Variants in PPARGC1A observed in about 807,000 individuals in gnomAD.
PPARGC1A encodes PPARG coactivator 1 alpha, also known as peroxisome proliferator-activated receptor gamma coactivator 1-alpha.
PPARGC1A carries 25 observed loss-of-function variants against 88.7 expected under a neutral mutation model. The observed-to-expected ratio is 0.28, with a 90% CI of 0.21 to 0.39. The LOEUF is 0.39. Ranked by LOEUF, PPARGC1A falls within the 10% of genes least tolerant of loss-of-function variation. The pLI is 1.00. For synonymous variants in PPARGC1A, 363 were observed against 355.6 expected (o/e 1.02, Z -0.24); for missense variants, 880 against 968.7 (o/e 0.91, Z 1.22).
chr4:24,424,284 T>TTTTTG, the PPARGC1A span, among the ~76,000 whole-genome samples: 1 of 123,342 alleles, frequency 8.1e-6, no homozygotes, highest in African/African-American at 3.0e-5. Flanking sequence ...TTTTTTTTTT[T>TTTTTG]TTTTTTTTTG....
chr4:24,163,760 C>T, the PPARGC1A span, among the ~76,000 whole-genome samples: 1 of 152,182 alleles, frequency 6.6e-6, no homozygotes, highest in African/African-American at 2.4e-5. Context: ...AAGCTAAATA[C>T]ATGCTTTAGC....
intron 8 of PPARGC1A, 71 bp downstream of exon 8, chr4:23,813,619 A>G (rs1464574395): frequency 2.2e-6 from 3 of 1,356,684 alleles, no homozygotes; most frequent in Non-Finnish European, 3.0e-6. Context: ...TCAAATTTTT[A>G]TTTGTATTTT....
chr4:24,258,643 T>C, the PPARGC1A span, among the ~76,000 whole-genome samples: 1 of 152,174 alleles, frequency 6.6e-6, no homozygotes, highest in Non-Finnish European at 1.5e-5. Context: ...AATGCAACCA[T>C]CCAACTAAAA....
the PPARGC1A span, among the ~76,000 whole-genome samples, chr4:24,203,738 G>A: frequency 6.6e-6 from 1 of 152,238 alleles, no homozygotes; most frequent in African/African-American, 2.4e-5. Context: ...TGCATAATGT[G>A]AGGATCAAGG....
the PPARGC1A span, among the ~76,000 whole-genome samples, chr4:23,934,783 T>C: frequency 6.6e-6 from 1 of 152,202 alleles, no homozygotes; most frequent in East Asian, 1.9e-4. Context: ...GAGGCTCATC[T>C]AGGTTTTAAG....
the PPARGC1A span, among the ~76,000 whole-genome samples, chr4:23,998,656 C>A: frequency 6.6e-6 from 1 of 152,180 alleles, no homozygotes; most frequent in African/African-American, 2.4e-5. Context: ...AGTTAGAGTA[C>A]ATGGGCCAGA....
At chr4:23,802,113 A>T in intron 11 of PPARGC1A, 111 bp downstream of exon 11, 1 of 1,457,070 alleles carries the variant, frequency 6.9e-7, no homozygotes, top group Non-Finnish European at 9.5e-7. Context: ...TGAACTCAAC[A>T]TGTCATCTGT....
At chr4:24,079,337 T>A in the PPARGC1A span, among the ~76,000 whole-genome samples, 1 of 152,036 alleles carries the variant, frequency 6.6e-6, no homozygotes, top group African/African-American at 2.4e-5. Context: ...CATGTCCCCA[T>A]TATTGTTTTA....
chr4:23,880,907 G>A (rs896062271), intron 2 of PPARGC1A: 2 of 152,088 alleles, frequency 1.3e-5, no homozygotes, highest in Admixed American at 6.5e-5. Context: ...TCATTCTAAC[G>A]AACCCCAAGT....
the PPARGC1A span, among the ~76,000 whole-genome samples, chr4:24,131,274 A>C: frequency 6.6e-6 from 1 of 152,202 alleles, no homozygotes; most frequent in East Asian, 1.9e-4. Flanking sequence ...TCTAACACTC[A>C]AAACACAATC....
intron 7 of PPARGC1A, among the ~76,000 whole-genome samples, chr4:23,815,933 C>T (rs993469058): frequency 5.9e-5 from 9 of 152,046 alleles, no homozygotes; most frequent in Non-Finnish European, 1.2e-4. Flanking sequence ...ACACATATAT[C>T]GAGAGCCAAG....
chr4:24,093,315 G>A, the PPARGC1A span, among the ~76,000 whole-genome samples: 1 of 152,194 alleles, frequency 6.6e-6, no homozygotes, highest in Non-Finnish European at 1.5e-5. Flanking sequence ...GGTCAATTGT[G>A]ACACTTAAGT....
At chr4:24,283,447 A>G in the PPARGC1A span, among the ~76,000 whole-genome samples, 1 of 152,246 alleles carries the variant, frequency 6.6e-6, no homozygotes, top group Admixed American at 6.5e-5. Flanking sequence ...AACTTGAAAG[A>G]GGGAACAAAC....
At chr4:24,039,397 T>C in the PPARGC1A span, among the ~76,000 whole-genome samples, 2 of 152,210 alleles carry the variant, frequency 1.3e-5, no homozygotes, top group African/African-American at 4.8e-5. Flanking sequence ...AATTGGAATA[T>C]TGGCATAATA....
chr4:24,275,197 G>C, the PPARGC1A span, among the ~76,000 whole-genome samples: 1 of 133,238 alleles, frequency 7.5e-6, no homozygotes, highest in African/African-American at 2.9e-5. Flanking sequence ...GTACAATCAA[G>C]TAAGTAGGAG....
At chr4:24,458,908 T>A in the PPARGC1A span, among the ~76,000 whole-genome samples, 1 of 152,142 alleles carries the variant, frequency 6.6e-6, no homozygotes, top group Admixed American at 6.5e-5. Flanking sequence ...AAATATGAAA[T>A]GCATACACCT....
chr4:24,444,523 A>G, the PPARGC1A span, among the ~76,000 whole-genome samples: 1 of 152,224 alleles, frequency 6.6e-6, no homozygotes, highest in African/African-American at 2.4e-5. Flanking sequence ...AATCATTTCT[A>G]CACCCAAAGA....
At chr4:23,853,124 T>C (rs1729598588) in intron 2 of PPARGC1A, among the ~76,000 whole-genome samples, 1 of 152,178 alleles carries the variant, frequency 6.6e-6, no homozygotes, top group Non-Finnish European at 1.5e-5. Flanking sequence ...TGGTTTTCTA[T>C]ATTAGAAGAA....
chr4:24,212,506 T>G, the PPARGC1A span, among the ~76,000 whole-genome samples: 1 of 152,230 alleles, frequency 6.6e-6, no homozygotes, highest in South Asian at 2.1e-4. Context: ...CAAAGTGTCA[T>G]GAGAATTAAA....
Sources: allele counts gnomAD v4.1 joint callset (sites outside exome capture counted in the v4.1 genomes callset), GRCh38; gene constraint gnomAD v4.1.1; transcripts MANE v1.5; gene names NCBI Gene and HGNC (gene_info 2026-07-23, HGNC 2026-07-21).